IFIH1: variants seen among roughly 807,000 people sequenced by gnomAD.
IFIH1 encodes interferon-induced helicase C domain-containing protein 1.
IFIH1 carries 125 observed loss-of-function variants against 107.4 expected under a neutral mutation model. The observed-to-expected ratio is 1.16, with a 90% CI of 1.01 to 1.35. The LOEUF is 1.35. Among genes scored for constraint, IFIH1 ranks in the 40% most tolerant of loss-of-function variants. IFIH1 has a pLI of 0.00. For synonymous variants in IFIH1, 458 were observed against 413.2 expected, an observed-to-expected ratio of 1.11 and a Z score of -1.31; for missense variants, 1,333 against 1,213.7, an observed-to-expected ratio of 1.10 and a Z score of -1.46.
At chr2:162,286,079 C>A (rs1198051217) in intron 5 of IFIH1, among the ~76,000 whole-genome samples, 1 of 151,884 alleles carries the variant, frequency 6.6e-6, no homozygotes, top group Non-Finnish European at 1.5e-5. Context: ...ACTCTGGACA[C>A]CGCATTTAAG....
chr2:162,306,336 G>T (rs1223084198), intron 3 of IFIH1, among the ~76,000 whole-genome samples: 1 of 151,820 alleles, frequency 6.6e-6, no homozygotes, highest in African/African-American at 2.4e-5. Flanking sequence ...TTAAACCAGA[G>T]AAAAAAAGCA....
chr2:162,268,172 T>C lies in IFIH1; in HGVS notation c.2722A>G (p.Lys908Glu). Residue 908 changes from lysine (K) to glutamate (E), a missense_variant, in exon 14 of 16, where the codon AAA becomes GAA. By Grantham distance (56) the Lys-to-Glu change is moderately conservative. Transcript: ENST00000649979. ...NNPSLITFLC[K>E]NCSVLACSGE... ...GAACAGGCTAGCACACTGCAGTTTT[T>C]GCAAAGGAAAGTTATTAGTGATGGG... 6.2e-7 allele frequency: 1 copy of C among 1,613,770 alleles called. No individual in the cohort carries two copies. The highest frequency in any genetic ancestry group is 1.7e-5 in the Admixed American group (1 of 60,006).
At chr2:162,268,590 T>C (rs1421053285) in intron 13 of IFIH1, among the ~76,000 whole-genome samples, 1 of 152,058 alleles carries the variant, frequency 6.6e-6, no homozygotes, top group East Asian at 1.9e-4. Context: ...TTGTTATTTA[T>C]TTATTTATTT....
At chr2:162,278,129 G>T in intron 9 of IFIH1, 76 bp downstream of exon 9, 1 of 1,281,694 alleles carries the variant, frequency 7.8e-7, no homozygotes, top group South Asian at 1.4e-5. Flanking sequence ...ATTTTTTGGG[G>T]AATCTGTGAT....
rs977716003 is a variant in IFIH1 at position 162,281,196 on chromosome 2, G to C, written c.1524+132C>G. ...CTGTAGAAGACTGAGTATATTTATT[G>C]TACTAAAGCAAACAGATTTCACTTA... On this transcript the variant is annotated intron_variant, in intron 7 of 15. Coordinates refer to ENST00000649979, the MANE Select transcript of IFIH1 (RefSeq NM_022168.4). 30 of 642,556 alleles carry C rather than the reference G, an allele frequency of 4.7e-5. No individual in the cohort carries two copies. The African/African-American group carries it at 4.8e-4, about 10-fold the overall frequency. 39.8% of individuals were successfully genotyped at this position (642,556 alleles called of 1,614,324 possible). A position where few individuals can be genotyped will look rare whatever the true frequency, so the allele number is the denominator to read the frequency against.
chr2:162,277,082 TG>T (rs763590981), intron 10 of IFIH1, 136 bp from the exon 11 acceptor site: 65 of 683,518 alleles, frequency 9.5e-5, no homozygotes, highest in Non-Finnish European at 1.4e-4. Flanking sequence ...AAAAACTATT[TG>T]GAAGTATAAA....
rs1002771119 is a variant in IFIH1 at position 162,282,365 on chromosome 2, C to T, written c.1306+1G>A. On this transcript the variant is annotated splice_donor_variant, in intron 6 of 15. Coordinates refer to ENST00000649979, the MANE Select transcript of IFIH1 (RefSeq NM_022168.4). LOFTEE classifies it high-confidence loss of function. ...TTAAAAAAATAAACACTTAAACTGA[C>T]CTGACAATTGAACACCAGCATCTTC... The T allele has an allele frequency of 5.0e-6, 8 of 1,598,798 alleles. No individual in the cohort carries two copies. Among genetic ancestry groups the T allele is most frequent in the Non-Finnish European group, 6.8e-6 (8 of 1,168,780 alleles).
intron 13 of IFIH1, 149 bp from the exon 14 acceptor site, chr2:162,268,426 C>T (rs1257160074): frequency 5.4e-6 from 3 of 556,516 alleles, no homozygotes; most frequent in Non-Finnish European, 9.4e-6. Flanking sequence ...AGGTAATGAC[C>T]CCCCAAAGAA....
chr2:162,278,536 C>T (rs565036020), intron 8 of IFIH1, among the ~76,000 whole-genome samples: 37 of 152,178 alleles, frequency 2.4e-4, no homozygotes, highest in African/African-American at 7.2e-4. Flanking sequence ...ACACCAACAC[C>T]CTGTTACCTC....
chr2:162,288,250 A>T lies in IFIH1; in HGVS notation c.980T>A (p.Ile327Asn). The T allele has an allele frequency of 6.2e-7, 1 of 1,612,804 alleles. No homozygotes were observed. Among genetic ancestry groups the T allele is most frequent in the Non-Finnish European group, 8.5e-7 (1 of 1,179,184 alleles). The change falls in exon 5 of 16, where the codon ATC becomes AAC. Residue 327 changes from isoleucine to asparagine, a missense_variant. Transcript: ENST00000649979. The part of the protein sequence containing the change: ...QPALEGKNII[I>N]CLPTGSGKTR... ...TTTTCCACTCCCTGTAGGGAGGCAGATGATGATATTCTTCCCTTCCAAGGC... is the reference window on the plus strand; with the variant it reads ...TTTTCCACTCCCTGTAGGGAGGCAGTTGATGATATTCTTCCCTTCCAAGGC...
intron 9 of IFIH1, 124 bp from the exon 10 acceptor site, chr2:162,277,817 G>A (rs1462064400): frequency 8.6e-7 from 1 of 1,168,268 alleles, no homozygotes; most frequent in African/African-American, 1.6e-5. Context: ...AAATGGGCAA[G>A]TTAAGGCTCA....
rs745851965 is a variant in IFIH1, at chr2:162,267,264, T to G, written c.3014A>C (p.Glu1005Ala). ...AAGATTGGGAAATGTGATAGGTAAT[T>G]CTACCCACTTTTTGTATTGTTTCTT... The part of the protein sequence containing the change: ...STKKQYKKWV[E>A]LPITFPNLDY... Residue 1005 changes from glutamate to alanine, a missense_variant, in exon 16 of 16, where the codon GAA (glutamate) becomes GCA (alanine). Coordinates refer to ENST00000649979, the MANE Select transcript of IFIH1 (RefSeq NM_022168.4). 4 of 1,611,856 alleles carry G rather than the reference T, an allele frequency of 2.5e-6. No homozygotes were observed.
chr2:162,313,941 C>A (rs1683426136), intron 1 of IFIH1, among the ~76,000 whole-genome samples: 1 of 152,148 alleles, frequency 6.6e-6, no homozygotes, highest in African/African-American at 2.4e-5. Flanking sequence ...CTTAGGTGGA[C>A]TAGTCATGGC....
chr2:162,288,366 T>C lies in IFIH1; in HGVS notation c.875-11A>G, dbSNP rs186664431. 4.3e-5 allele frequency: 69 copies of C among 1,603,770 alleles called. 1 individual carries two copies. In the Middle Eastern group the frequency reaches 6.6e-4, roughly 15 times the overall value. On this transcript the variant is annotated splice_polypyrimidine_tract_variant and intron_variant, in intron 4 of 15. Transcript: ENST00000649979. ...CCACATTCTCTTCATCTGAAGAAGG[T>C]TGAAAAGAAAAATAAGAGAAGGGAC...
intron 4 of IFIH1, among the ~76,000 whole-genome samples, chr2:162,293,361 A>G (rs1683030467): frequency 6.7e-6 from 1 of 149,952 alleles, no homozygotes; most frequent in Admixed American, 6.7e-5. Context: ...GTACTGGATC[A>G]AAATTAGAGA....
intron 5 of IFIH1, among the ~76,000 whole-genome samples, chr2:162,284,377 C>T (rs139920332): frequency 6.6e-6 from 1 of 152,092 alleles, no homozygotes; most frequent in East Asian, 1.9e-4. Flanking sequence ...AGGTCTCAAT[C>T]ATCTTAATGC....
intron 3 of IFIH1, among the ~76,000 whole-genome samples, chr2:162,306,060 G>C (rs1347466731): frequency 1.3e-5 from 2 of 152,186 alleles, no homozygotes; most frequent in Non-Finnish European, 1.5e-5. Context: ...ACTATTTCTT[G>C]TGAAAACAGA....
chr2:162,307,295 G>A (rs887035690), intron 2 of IFIH1: 2 of 153,064 alleles, frequency 1.3e-5, no homozygotes, highest in African/African-American at 4.8e-5. Context: ...TAGGAAGTAA[G>A]TCACTTATTC....
chr2:162,276,554 T>A lies in IFIH1; in HGVS notation c.2304+133A>T, dbSNP rs1201556967. ...TAGGAGGTCAAGGGTGCAGTGAATC[T>A]TGATCATGCCACTGCTCTTCAGCCT... On this transcript the variant is annotated intron_variant, in intron 11 of 15. Coordinates refer to ENST00000649979, the MANE Select transcript of IFIH1 (RefSeq NM_022168.4). 4.1e-6 allele frequency: 4 copies of A among 980,670 alleles called. No homozygotes were observed. In the African/African-American group the frequency reaches 6.6e-5, roughly 16 times the overall value. 60.7% of individuals were successfully genotyped at this position (980,670 alleles called of 1,614,324 possible).
Sources: gnomAD v4.1 joint callset for allele counts (sites outside exome capture counted in the v4.1 genomes callset) on GRCh38, gnomAD v4.1.1 for gene constraint, MANE v1.5 for transcripts, NCBI Gene and HGNC (gene_info 2026-07-23, HGNC 2026-07-21) for gene names.